The following SKAP2 variants were observed in gnomAD, a reference collection of about 807,000 sequenced individuals.
SKAP2 encodes the protein src kinase-associated phosphoprotein 2.
In SKAP2, 28 loss-of-function variants were observed where a neutral mutation model predicts 54.9. The ratio of observed to expected loss-of-function variants is 0.51; its 90% CI spans 0.38 to 0.70. The LOEUF (loss-of-function observed/expected upper bound fraction) is 0.70. Ranked by LOEUF, SKAP2 falls within the 30% of genes least tolerant of loss-of-function variation. SKAP2 has a pLI of 0.00. For missense variants in SKAP2, 356 were observed against 424.1 expected, an observed-to-expected ratio of 0.84 and a Z score of 1.41; for synonymous variants, 137 against 134.3, an observed-to-expected ratio of 1.02 and a Z score of -0.14.
intron 9 of SKAP2, among the ~76,000 whole-genome samples, chr7:26,720,234 T>C (rs778776933): frequency 5.3e-5 from 8 of 152,176 alleles, no homozygotes; most frequent in Non-Finnish European, 1.0e-4. Context: ...TGGAAATATA[T>C]GTTTTGTGTG....
chr7:26,660,282 T>C, the SKAP2 span, among the ~76,000 whole-genome samples: 3 of 152,054 alleles, frequency 2.0e-5, no homozygotes, highest in African/African-American at 7.2e-5. Flanking sequence ...AGCAATGAAG[T>C]GTCAGTAGAA....
intron 4 of SKAP2, among the ~76,000 whole-genome samples, chr7:26,842,357 AAT>A (rs1427708096): frequency 6.6e-6 from 1 of 151,616 alleles, no homozygotes; most frequent in Non-Finnish European, 1.5e-5. Context: ...TTGTTATAAA[AAT>A]ATATGATAAA....
At chr7:26,849,741 A>C in intron 3 of SKAP2, among the ~76,000 whole-genome samples, 1 of 152,108 alleles carries the variant, frequency 6.6e-6, no homozygotes, top group Admixed American at 6.6e-5. Flanking sequence ...TGAAAAAAAA[A>C]TCTCATGAAA....
intron 4 of SKAP2, among the ~76,000 whole-genome samples, chr7:26,757,195 T>A (rs1355274824): frequency 2.0e-5 from 3 of 152,174 alleles, no homozygotes; most frequent in South Asian, 2.1e-4. Context: ...CATTTGTCAA[T>A]TTTGTCTTTT....
At chr7:26,810,601 T>C (rs534679368) in intron 4 of SKAP2, among the ~76,000 whole-genome samples, 12 of 152,318 alleles carry the variant, frequency 7.9e-5, no homozygotes, top group African/African-American at 2.9e-4. Flanking sequence ...ACACTTGAGC[T>C]AAATAACTTG....
intron 4 of SKAP2, among the ~76,000 whole-genome samples, chr7:26,788,293 T>C (rs1783600257): frequency 6.6e-6 from 1 of 152,196 alleles, no homozygotes; most frequent in African/African-American, 2.4e-5. Context: ...CCTGGTTTCT[T>C]ACAACAGCTG....
chr7:26,795,646 T>C (rs1255019348), intron 4 of SKAP2, among the ~76,000 whole-genome samples: 1 of 152,248 alleles, frequency 6.6e-6, no homozygotes. Context: ...CCCTATGTTA[T>C]ATTTAGATTT....
intron 7 of SKAP2, 47 bp downstream of exon 7, chr7:26,726,835 C>A (rs773914373): frequency 7.3e-6 from 11 of 1,498,744 alleles, no homozygotes; most frequent in East Asian, 7.0e-5. Flanking sequence ...TAAATGAAAT[C>A]AAAACATTTT....
intron 4 of SKAP2, among the ~76,000 whole-genome samples, chr7:26,775,859 T>C (rs1054348454): frequency 1.3e-5 from 2 of 152,208 alleles, no homozygotes; most frequent in African/African-American, 4.8e-5. Flanking sequence ...GTCATGTGTA[T>C]CAATAGTTTG....
At chr7:26,683,783 G>A (rs1786567803) in intron 11 of SKAP2, among the ~76,000 whole-genome samples, 1 of 152,052 alleles carries the variant, frequency 6.6e-6, no homozygotes, top group African/African-American at 2.4e-5. Context: ...TTCAGTATGT[G>A]GCCTTCTTTC....
intron 4 of SKAP2, among the ~76,000 whole-genome samples, chr7:26,813,891 C>T (rs920305221): frequency 3.3e-5 from 5 of 152,152 alleles, no homozygotes; most frequent in East Asian, 1.9e-4. Context: ...CTCTGTGATT[C>T]GAAAGAAAAA....
intron 4 of SKAP2, among the ~76,000 whole-genome samples, chr7:26,829,922 A>G (rs1784565980): frequency 6.6e-6 from 1 of 152,228 alleles, no homozygotes; most frequent in Admixed American, 6.5e-5. Flanking sequence ...AAAAATGAAA[A>G]AATATATTAA....
At chr7:26,696,841 G>C (rs1786905188) in intron 9 of SKAP2, among the ~76,000 whole-genome samples, 1 of 152,094 alleles carries the variant, frequency 6.6e-6, no homozygotes, top group African/African-American at 2.4e-5. Context: ...TTAACAGTTT[G>C]AGTTTATAGT....
chr7:26,710,551 G>A (rs1787278194), intron 9 of SKAP2, among the ~76,000 whole-genome samples: 1 of 152,154 alleles, frequency 6.6e-6, no homozygotes, highest in African/African-American at 2.4e-5. Flanking sequence ...TGTGAGGTTG[G>A]AAATGTATGG....
intron 11 of SKAP2, among the ~76,000 whole-genome samples, chr7:26,671,774 C>A (rs1786247900): frequency 6.6e-6 from 1 of 151,898 alleles, no homozygotes; most frequent in South Asian, 2.1e-4. Flanking sequence ...TGCCCAGAAC[C>A]CAATGATGGC....
chr7:26,779,150 T>A (rs954950651), intron 4 of SKAP2, among the ~76,000 whole-genome samples: 1 of 152,036 alleles, frequency 6.6e-6, no homozygotes, highest in East Asian at 1.9e-4. Flanking sequence ...TATCAATAAT[T>A]CCATAAAAAT....
intron 4 of SKAP2, among the ~76,000 whole-genome samples, chr7:26,806,427 A>C (rs1362142959): frequency 6.6e-6 from 1 of 152,214 alleles, no homozygotes; most frequent in Non-Finnish European, 1.5e-5. Context: ...AAAAATATAA[A>C]TAAGCCAGGT....
intron 4 of SKAP2, among the ~76,000 whole-genome samples, chr7:26,818,730 A>C (rs568485702): frequency 6.6e-6 from 1 of 152,298 alleles, no homozygotes; most frequent in East Asian, 1.9e-4. Context: ...AATTTACAAG[A>C]AAAAAACAAC....
At chr7:26,823,653 G>T (rs62448196) in intron 4 of SKAP2, among the ~76,000 whole-genome samples, 3,972 of 152,222 alleles carry the variant, frequency 0.026, 89 homozygotes, top group East Asian at 0.066. Flanking sequence ...GAGGTTTAAG[G>T]AAAGAAGCCA....
Sources: gnomAD v4.1 joint callset for allele counts (sites outside exome capture counted in the v4.1 genomes callset) on GRCh38, gnomAD v4.1.1 for gene constraint, MANE v1.5 for transcripts, NCBI Gene and HGNC (gene_info 2026-07-23, HGNC 2026-07-21) for gene names.